The following PKNOX1 variants were observed in gnomAD, a reference collection of about 807,000 sequenced individuals.
The protein encoded by PKNOX1 is PBX/knotted 1 homeobox 1.
Under a neutral mutation model 51.9 loss-of-function variants are expected in PKNOX1, and 15 were observed. The ratio of observed to expected loss-of-function variants is 0.29; its 90% CI spans 0.19 to 0.45. The LOEUF is 0.45. Ranked by LOEUF, PKNOX1 falls within the 20% of genes least tolerant of loss-of-function variation. The pLI, the probability that PKNOX1 is intolerant of heterozygous loss-of-function variation, is 1.00. For synonymous variants in PKNOX1, 219 were observed against 211.1 expected, an observed-to-expected ratio of 1.04 and a Z score of -0.32; for missense variants, 462 against 547.5, an observed-to-expected ratio of 0.84 and a Z score of 1.56.
chr21:42,983,689 A>G (rs1234648315), intron 1 of PKNOX1, among the ~76,000 whole-genome samples: 1 of 151,992 alleles, frequency 6.6e-6, no homozygotes, highest in Non-Finnish European at 1.5e-5. Flanking sequence ...TTCTGTTTTT[A>G]ATTTTTTAGG....
rs1482073533 is a variant in PKNOX1 at position 43,033,417 on chromosome 21, A to C, written c.*3316A>C. 6.6e-6 allele frequency: 1 copy of C among 150,662 alleles called. No individual in the cohort carries two copies. The highest frequency in any genetic ancestry group is 1.5e-5 in the Non-Finnish European group (1 of 66,946). The allele number at this position is 150,662 out of a possible 1,614,324, so 9.3% of individuals were successfully genotyped here. ...ATTCCTGGCACTTAGAGACAGAAAG[A>C]ACTCAGCAATCTTTCGTTCTAGTTA... On this transcript the variant is annotated 3_prime_UTR_variant, in exon 11 of 11. Transcript: ENST00000291547.
At position 43,030,288 on chromosome 21, in the gene PKNOX1, T is replaced by TGTGTGC. The variant is rs1319478010; in HGVS notation, c.*193_*198dup. On this transcript the variant is annotated 3_prime_UTR_variant, in exon 11 of 11. Transcript: ENST00000291547. ...GTGTGTGTGTGTGTGTGTGTGTGTG[T>TGTGTGC]GTGTGCGTGTGTGCGTGTGTGTGGA... 1.2e-5 allele frequency: 5 copies of TGTGTGC among 411,008 alleles called. No homozygotes were observed. The highest frequency in any genetic ancestry group is 2.2e-5 in the Non-Finnish European group (5 of 229,422). 25.5% of individuals were successfully genotyped at this position (411,008 alleles called of 1,614,324 possible).
intron 5 of PKNOX1, among the ~76,000 whole-genome samples, chr21:43,013,517 T>C (rs1016174364): frequency 6.6e-6 from 1 of 152,228 alleles, no homozygotes; most frequent in Non-Finnish European, 1.5e-5. Context: ...ATTTTACTTA[T>C]TCTTTTGAAA....
intron 1 of PKNOX1, among the ~76,000 whole-genome samples, chr21:42,975,451 G>C (rs990468273): frequency 6.6e-6 from 1 of 152,208 alleles, no homozygotes; most frequent in Non-Finnish European, 1.5e-5. Flanking sequence ...CACACGGGTC[G>C]TGGTAATGGA....
chr21:43,007,739 A>G, intron 3 of PKNOX1, 121 bp downstream of exon 3: 1 of 1,100,490 alleles, frequency 9.1e-7, no homozygotes, highest in Non-Finnish European at 1.3e-6. Context: ...ATGATGTGAT[A>G]ACTGCTCGGC....
chr21:43,009,505 G>A (rs1032857259), intron 3 of PKNOX1, among the ~76,000 whole-genome samples: 5 of 151,132 alleles, frequency 3.3e-5, no homozygotes, highest in African/African-American at 1.2e-4. Context: ...GGCTACTTGG[G>A]GAGGCTGAGT....
chr21:42,992,611 C>G (rs1385550678), intron 1 of PKNOX1, among the ~76,000 whole-genome samples: 4 of 152,122 alleles, frequency 2.6e-5, no homozygotes, highest in Non-Finnish European at 5.9e-5. Flanking sequence ...CTTCTGGAGG[C>G]GCTTTCTGAA....
At chr21:43,022,418 A>T (rs1325498880) in intron 8 of PKNOX1, among the ~76,000 whole-genome samples, 1 of 152,108 alleles carries the variant, frequency 6.6e-6, no homozygotes, top group South Asian at 2.1e-4. Context: ...TCAGTTGAGG[A>T]TAGGGTCCAT....
rs189005481 is a variant in PKNOX1 at position 42,997,077 on chromosome 21, C to T, written c.-56-7249C>T. ...TGTATTTTTAGTAGAGATGGGGTTT[C>T]GCTATTTTGGTCAGGCTGGTTTCGA... On this transcript the variant is annotated intron_variant, in intron 1 of 10. Transcript: ENST00000291547. 2.8e-3 allele frequency among the ~76,000 whole-genome samples: 433 copies of T among 152,184 alleles called. 2 individuals carry two copies. Among genetic ancestry groups the T allele is most frequent in the African/African-American group, 9.3e-3 (385 of 41,528 alleles).
intron 1 of PKNOX1, among the ~76,000 whole-genome samples, chr21:42,982,731 CAA>C (rs10658050): frequency 7.7e-5 from 10 of 129,900 alleles, no homozygotes; most frequent in Admixed American, 4.1e-4. Flanking sequence ...AACTCCATCT[CAA>C]AAAAAAAAAA....
At chr21:42,995,449 A>G (rs1406293643) in intron 1 of PKNOX1, among the ~76,000 whole-genome samples, 1 of 152,000 alleles carries the variant, frequency 6.6e-6, no homozygotes, top group Non-Finnish European at 1.5e-5. Context: ...AGGCGGAGGT[A>G]GGAGGACGGC....
intron 1 of PKNOX1, among the ~76,000 whole-genome samples, chr21:42,984,068 G>A (rs1004917491): frequency 2.6e-5 from 1 of 37,916 alleles, no homozygotes; most frequent in African/African-American, 1.2e-4. Flanking sequence ...ATGCATACGT[G>A]TGTGCGTGTG....
Position 43,004,391 on chromosome 21 carries a change from A to AC in PKNOX1, c.11dup (p.Gln5ThrfsTer30). On this transcript the variant is annotated frameshift_variant, in exon 2 of 11. Coordinates refer to ENST00000291547, the MANE Select transcript of PKNOX1 (RefSeq NM_004571.5). LOFTEE classifies it high-confidence loss of function. ...AAAACTCTGATGAACCATGATGGCT[A>AC]CACAGACATTAAGTATAGACAGCTA... is the stretch of plus-strand genomic sequence containing the variant. 1 of 1,606,186 alleles carries AC rather than the reference A, an allele frequency of 6.2e-7. No individual in the cohort carries two copies. The highest frequency in any genetic ancestry group is 1.1e-5 in the South Asian group (1 of 90,900).
chr21:42,978,293 A>G (rs1487686329), intron 1 of PKNOX1, among the ~76,000 whole-genome samples: 4 of 151,510 alleles, frequency 2.6e-5, no homozygotes, highest in Non-Finnish European at 5.9e-5. Context: ...GTGTGAGCCA[A>G]CGGACCTGGC....
Position 43,030,248 on chromosome 21 carries a change from C to T in PKNOX1, c.*147C>T, listed in dbSNP as rs1419180166. 5 of 605,996 alleles carry T rather than the reference C, an allele frequency of 8.3e-6. No individual in the cohort carries two copies. The highest frequency in any genetic ancestry group is 1.9e-5 in the African/African-American group (1 of 52,206). 37.5% of individuals were successfully genotyped at this position (605,996 alleles called of 1,614,324 possible). A position where few individuals can be genotyped will look rare whatever the true frequency, so the allele number is the denominator to read the frequency against. On this transcript the variant is annotated 3_prime_UTR_variant, in exon 11 of 11. Transcript: ENST00000291547. ...TTAAAGCGCGTCTTTGCCGGTGCAG[C>T]GACTTCTTTCAAGTGTGTGTGTGTG...
intron 9 of PKNOX1, among the ~76,000 whole-genome samples, chr21:43,027,173 C>T (rs1415759057): frequency 1.3e-5 from 2 of 152,110 alleles, no homozygotes; most frequent in Non-Finnish European, 2.9e-5. Flanking sequence ...GTGACTCTAG[C>T]AAGAGGTCAA....
chr21:43,029,424 G>GTTTTTTTTTTTTTTTCTTTTTTTTTTTT lies in PKNOX1; in HGVS notation c.1100-451_1100-450insCTTTTTTTTTTTTTTTTTTTTTTTTTTT, dbSNP rs1980135855. ...TTATTTTTTTTTATTTGTTTGCTTT[G>GTTTTTTTTTTTTTTTCTTTTTTTTTTTT]TTTTTTTTTTTTTTTTTTTTTGAGA... On this transcript the variant is annotated intron_variant, in intron 10 of 10. Coordinates refer to ENST00000291547, the MANE Select transcript of PKNOX1 (RefSeq NM_004571.5). Among the ~76,000 whole-genome samples, 2 of 63,304 alleles carry GTTTTTTTTTTTTTTTCTTTTTTTTTTTT rather than the reference G, an allele frequency of 3.2e-5. 1 individual carries two copies. Among genetic ancestry groups the GTTTTTTTTTTTTTTTCTTTTTTTTTTTT allele is most frequent in the Non-Finnish European group, 5.8e-5 (2 of 34,540 alleles). The allele number at this position is 63,304 out of a possible 152,430, so 41.5% of individuals were successfully genotyped here. A position where few individuals can be genotyped will look rare whatever the true frequency, so the allele number is the denominator to read the frequency against.
chr21:43,009,940 G>C, intron 3 of PKNOX1, 113 bp from the exon 4 acceptor site: 1 of 557,060 alleles, frequency 1.8e-6, no homozygotes, highest in Non-Finnish European at 3.0e-6. Context: ...ACCGTGTGGC[G>C]TGTGCATTTT....
intron 7 of PKNOX1, chr21:43,020,622 C>G (rs1181573293): frequency 3.9e-5 from 6 of 152,630 alleles, no homozygotes; most frequent in Admixed American, 1.3e-4. Context: ...TGCGGACCCT[C>G]TTTCTGCCTT....
Sources: gnomAD v4.1 joint callset for allele counts (sites outside exome capture counted in the v4.1 genomes callset) on GRCh38, gnomAD v4.1.1 for gene constraint, MANE v1.5 for transcripts, NCBI Gene and HGNC (gene_info 2026-07-23, HGNC 2026-07-21) for gene names.